The following TULP4 variants were observed in gnomAD, a reference collection of about 807,000 sequenced individuals.
TULP4 encodes the protein tubby-related protein 4.
A neutral mutation model predicts 129.0 loss-of-function variants in TULP4; 16 were observed. The ratio of observed to expected loss-of-function variants is 0.12; its 90% CI spans 0.08 to 0.19. The LOEUF is 0.19. TULP4 is among the 10% of genes least tolerant of loss of function. The pLI is 1.00. For synonymous variants in TULP4, 998 were observed against 854.0 expected (o/e 1.17, Z -2.94); for missense variants, 1,842 against 2,059.1 (o/e 0.89, Z 2.04).
chr6:158,451,595 G>A (rs1360543784), intron 4 of TULP4, among the ~76,000 whole-genome samples: 1 of 152,236 alleles, frequency 6.6e-6, no homozygotes, highest in Non-Finnish European at 1.5e-5. Context: ...CGCAGGTGCA[G>A]CAAGCCTCTA....
chr6:158,504,426 A>C (rs1780550134), intron 13 of TULP4, among the ~76,000 whole-genome samples: 1 of 151,684 alleles, frequency 6.6e-6, no homozygotes, highest in African/African-American at 2.4e-5. Flanking sequence ...GGCTTCCTGC[A>C]AGCTACGCCT....
chr6:158,454,018 A>ACTCC (rs373934513), intron 5 of TULP4, among the ~76,000 whole-genome samples: 2,088 of 114,168 alleles, frequency 0.018, 126 homozygotes, highest in East Asian at 0.024. Context: ...CTGCCTCTGC[A>ACTCC]CCGCCCCCCC....
upstream of TULP4, among the ~76,000 whole-genome samples, chr6:158,308,953 C>T (rs1239949439): frequency 7.0e-6 from 1 of 141,866 alleles, no homozygotes; most frequent in African/African-American, 2.6e-5. Flanking sequence ...CCACCTCCCT[C>T]CCGGACGGGG....
chr6:158,276,770 A>C (rs1384797948), intron 1 of TULP4, among the ~76,000 whole-genome samples: 1 of 152,150 alleles, frequency 6.6e-6, no homozygotes, highest in Non-Finnish European at 1.5e-5. Context: ...GGTGTTATGC[A>C]AGCAGTATAT....
At chr6:158,364,849 G>C (rs1297700892) in intron 1 of TULP4, among the ~76,000 whole-genome samples, 3 of 152,058 alleles carry the variant, frequency 2.0e-5, no homozygotes, top group African/African-American at 7.2e-5. Flanking sequence ...CCATTCTCCT[G>C]ACTCAGCCTT....
chr6:158,492,007 C>T (rs957714956), intron 9 of TULP4, among the ~76,000 whole-genome samples: 9 of 151,956 alleles, frequency 5.9e-5, no homozygotes, highest in Admixed American at 6.6e-5. Context: ...TATAGGCAAG[C>T]GCCACCACGC....
chr6:158,422,284 G>A (rs1365990721), intron 2 of TULP4, among the ~76,000 whole-genome samples: 1 of 152,092 alleles, frequency 6.6e-6, no homozygotes, highest in Non-Finnish European at 1.5e-5. Context: ...ATGAAAAATT[G>A]GGCATAGCTA....
intron 1 of TULP4, among the ~76,000 whole-genome samples, chr6:158,273,892 T>C (rs764005184): frequency 7.2e-5 from 11 of 152,230 alleles, no homozygotes; most frequent in Non-Finnish European, 1.2e-4. Flanking sequence ...GATACTGTTA[T>C]TATCTCTAAT....
intron 1 of TULP4, among the ~76,000 whole-genome samples, chr6:158,348,173 G>GTTTGTTTTTTTTTTTTTTTTTTTTT (rs1780359871): frequency 8.9e-6 from 1 of 112,170 alleles, no homozygotes; most frequent in African/African-American, 3.8e-5. Flanking sequence ...TTTTTTTAAG[G>GTTTGTTTTTTTTTTTTTTTTTTTTT]TTTTTTTTTT....
chr6:158,495,101 G>C (rs976685632), intron 11 of TULP4, among the ~76,000 whole-genome samples: 1 of 151,408 alleles, frequency 6.6e-6, no homozygotes, highest in Admixed American at 6.6e-5. Flanking sequence ...TCTTACCCAG[G>C]CTGGAGTATA....
chr6:158,328,299 C>CT (rs966165583), intron 1 of TULP4, among the ~76,000 whole-genome samples: 30 of 148,148 alleles, frequency 2.0e-4, no homozygotes, highest in South Asian at 4.3e-4. Flanking sequence ...TTATTGTCAT[C>CT]TTTTTTTTTT....
intron 1 of TULP4, among the ~76,000 whole-genome samples, chr6:158,322,875 C>G (rs2027514): frequency 0.88 from 133,244 of 152,202 alleles, 58,542 homozygotes; most frequent in South Asian, 0.93. Context: ...AGCAAGCTTT[C>G]AATTGTTCAA....
chr6:158,305,765 G>A (rs981653151), intron 1 of TULP4, among the ~76,000 whole-genome samples: 7 of 150,792 alleles, frequency 4.6e-5, no homozygotes, highest in Non-Finnish European at 8.8e-5. Context: ...GAATCATGCC[G>A]CCATGAACAT....
At chr6:158,337,361 G>A (rs971539126) in intron 1 of TULP4, among the ~76,000 whole-genome samples, 1 of 151,748 alleles carries the variant, frequency 6.6e-6, no homozygotes, top group African/African-American at 2.4e-5. Flanking sequence ...GAACTCCTGG[G>A]CTCAAGAAAT....
intron 5 of TULP4, among the ~76,000 whole-genome samples, chr6:158,453,816 G>A (rs1779222790): frequency 6.7e-6 from 1 of 150,166 alleles, no homozygotes; most frequent in African/African-American, 2.5e-5. Context: ...AGCCAGGTGT[G>A]GTGGCGTGTG....
At chr6:158,489,860 AAGATTCCAGCTGGAATAATTAC>A (rs1780159759) in intron 9 of TULP4, 128 bp downstream of exon 9, 3 of 1,144,898 alleles carry the variant, frequency 2.6e-6, no homozygotes, top group Non-Finnish European at 3.7e-6. Flanking sequence ...TTTCTTCCAG[AAGATTCCAGCTGGAATAATTAC>A]AACTTCTATT....
intron 1 of TULP4, among the ~76,000 whole-genome samples, chr6:158,323,391 C>T (rs958105669): frequency 6.6e-6 from 1 of 152,090 alleles, no homozygotes; most frequent in Non-Finnish European, 1.5e-5. Flanking sequence ...TGGTTGTAGT[C>T]GTTTGAAAAG....
rs1217831216 is a variant in TULP4, at chr6:158,387,978, G to A, written c.253-25087G>A. Among the ~76,000 whole-genome samples, 3 of 152,130 alleles carry A rather than the reference G, an allele frequency of 2.0e-5. No individual in the cohort carries two copies. The East Asian group carries it at 5.8e-4, about 29-fold the overall frequency. On this transcript the variant is annotated intron_variant, in intron 1 of 13. Transcript: ENST00000367097. ...GCTAAATTCATATTTGTGAAAGTAA[G>A]TGTAACTCAGACTTCTCCAACAAGT...
chr6:158,313,825 A>ATTTTT lies in TULP4; in HGVS notation c.-190_-186dup. On this transcript the variant is annotated 5_prime_UTR_variant, in exon 1 of 14. Coordinates refer to ENST00000367097, the MANE Select transcript of TULP4 (RefSeq NM_020245.5). ...GACTGCCATCATCTTTTATAGAGGA[A>ATTTTT]TTTTTTCACTATGCATTCGGTGGAT... is the stretch of plus-strand genomic sequence containing the variant. 1 of 609,394 alleles carries ATTTTT rather than the reference A, an allele frequency of 1.6e-6. No homozygotes were observed. 37.7% of individuals were successfully genotyped at this position (609,394 alleles called of 1,614,324 possible).
Sources: allele counts gnomAD v4.1 joint callset (sites outside exome capture counted in the v4.1 genomes callset), GRCh38; gene constraint gnomAD v4.1.1; transcripts MANE v1.5; gene names NCBI Gene and HGNC (gene_info 2026-07-23, HGNC 2026-07-21).